The following TNFSF4 variants were observed in gnomAD, a reference collection of about 807,000 sequenced individuals.
TNFSF4 encodes the protein tumor necrosis factor ligand superfamily member 4.
TNFSF4 carries 4 observed loss-of-function variants against 7.3 expected under a neutral mutation model. The ratio of observed to expected loss-of-function variants is 0.55; its 90% confidence interval spans 0.27 to 1.25. TNFSF4 has a LOEUF of 1.25. Ranked by LOEUF, TNFSF4 falls within the 50% of genes most tolerant of loss-of-function variation. TNFSF4 has a pLI of 0.12. For missense variants in TNFSF4, 181 were observed against 208.8 expected (o/e 0.87, Z 0.82); for synonymous variants, 76 against 83.7 (o/e 0.91, Z 0.50).
the TNFSF4 span, among the ~76,000 whole-genome samples, chr1:173,437,203 G>A: frequency 6.6e-6 from 1 of 152,274 alleles, no homozygotes; most frequent in Middle Eastern, 3.4e-3. Flanking sequence ...GCTTCCCTCT[G>A]CTGATTTTAT....
At chr1:173,196,853 C>T (rs989872629) in intron 1 of TNFSF4, among the ~76,000 whole-genome samples, 2 of 152,144 alleles carry the variant, frequency 1.3e-5, no homozygotes, top group African/African-American at 4.8e-5. Context: ...TTTCTGAGAA[C>T]TCCTGTCCCC....
the TNFSF4 span, among the ~76,000 whole-genome samples, chr1:173,354,158 A>T: frequency 6.6e-6 from 1 of 152,144 alleles, no homozygotes; most frequent in Admixed American, 6.5e-5. Context: ...AATAAGGGGA[A>T]TATTACCACT....
the TNFSF4 span, among the ~76,000 whole-genome samples, chr1:173,294,964 C>T: frequency 6.6e-6 from 1 of 151,936 alleles, no homozygotes; most frequent in East Asian, 1.9e-4. Context: ...AGTCACATCA[C>T]AAAAATTATA....
intron 2 of TNFSF4, among the ~76,000 whole-genome samples, chr1:173,187,645 C>T (rs1054595107): frequency 2.0e-5 from 3 of 152,104 alleles, no homozygotes; most frequent in Non-Finnish European, 2.9e-5. Flanking sequence ...TAGTTTTTCC[C>T]GGAAGGTACT....
At chr1:173,346,717 A>G in the TNFSF4 span, among the ~76,000 whole-genome samples, 1 of 152,218 alleles carries the variant, frequency 6.6e-6, no homozygotes, top group Non-Finnish European at 1.5e-5. Flanking sequence ...CTGGTATGGC[A>G]ATAACTACTC....
the TNFSF4 span, among the ~76,000 whole-genome samples, chr1:173,284,880 A>G: frequency 6.6e-6 from 1 of 152,176 alleles, no homozygotes; most frequent in Non-Finnish European, 1.5e-5. Flanking sequence ...GAGATAAACA[A>G]GAAGACAAAT....
At chr1:173,376,295 T>C in the TNFSF4 span, among the ~76,000 whole-genome samples, 3 of 152,098 alleles carry the variant, frequency 2.0e-5, no homozygotes, top group East Asian at 1.9e-4. Flanking sequence ...TGCAGGGACA[T>C]GGATGAAGCT....
the TNFSF4 span, among the ~76,000 whole-genome samples, chr1:173,415,508 C>G: frequency 6.6e-6 from 1 of 152,240 alleles, no homozygotes; most frequent in Non-Finnish European, 1.5e-5. Flanking sequence ...CTTACACTAT[C>G]AATTTGGGAC....
the TNFSF4 span, among the ~76,000 whole-genome samples, chr1:173,172,960 C>A: frequency 6.6e-6 from 1 of 152,060 alleles, no homozygotes; most frequent in East Asian, 1.9e-4. Context: ...GCAGGGGAAG[C>A]AAACATGTCC....
the TNFSF4 span, among the ~76,000 whole-genome samples, chr1:173,308,311 GTC>G: frequency 0.086 from 12,394 of 144,506 alleles, 1,667 homozygotes; most frequent in African/African-American, 0.27. Flanking sequence ...GTGTGTGTGT[GTC>G]TGTGTGTGTG....
intron 1 of TNFSF4, among the ~76,000 whole-genome samples, chr1:173,206,703 C>G (rs1650208019): frequency 6.6e-6 from 1 of 152,012 alleles, no homozygotes; most frequent in Admixed American, 6.6e-5. Flanking sequence ...ATGGGTAGAC[C>G]AGGTATATCA....
rs554293219 is a variant in TNFSF4, at chr1:173,188,708, G to T, written c.154-139C>A. 3.2e-4 allele frequency: 182 copies of T among 565,222 alleles called. No individual in the cohort carries two copies. In the East Asian group the frequency reaches 4.0e-3, roughly 12 times the overall value. 35.0% of individuals were successfully genotyped at this position (565,222 alleles called of 1,614,324 possible). On this transcript the variant is annotated intron_variant, in intron 1 of 2. Transcript: ENST00000281834. ...AAACAACAGAAGACTTGACTTTTTT[G>T]TTGTTGTTGTTGTTGTTGTTTTGAG... is the stretch of plus-strand genomic sequence containing the variant.
the TNFSF4 span, among the ~76,000 whole-genome samples, chr1:173,235,456 G>C: frequency 1.3e-5 from 2 of 152,172 alleles, no homozygotes; most frequent in Non-Finnish European, 2.9e-5. Context: ...TGCACAGGTG[G>C]GCCCTTAGTC....
Position 173,186,521 on chromosome 1 carries a change from G to A in TNFSF4, c.547C>T (p.Leu183Phe), listed in dbSNP as rs1039713359. Residue 183 changes from leucine (L) to phenylalanine (F), a missense_variant, in exon 3 of 3, where the codon CTT becomes TTT. Transcript: ENST00000281834. Reference sequence around the variant, plus strand: ...TAGATATTGCCATCAGCCCCTCAAAGGACACAGAATTCACCAGGATTTTGA... The same window carrying A: ...TAGATATTGCCATCAGCCCCTCAAAAGACACAGAATTCACCAGGATTTTGA... Reference protein sequence around the residue: ...IHQNPGEFCVL With the variant: ...IHQNPGEFCVF The A allele has an allele frequency of 3.1e-6, 5 of 1,609,890 alleles. No individual in the cohort carries two copies. Among genetic ancestry groups the A allele is most frequent in the Non-Finnish European group, 4.2e-6 (5 of 1,177,390 alleles).
chr1:173,317,342 G>C, the TNFSF4 span, among the ~76,000 whole-genome samples: 2 of 152,216 alleles, frequency 1.3e-5, no homozygotes, highest in Non-Finnish European at 2.9e-5. Context: ...ATGGTAATCT[G>C]TATGGTCATT....
the TNFSF4 span, among the ~76,000 whole-genome samples, chr1:173,419,714 T>A: frequency 6.6e-6 from 1 of 151,952 alleles, no homozygotes; most frequent in African/African-American, 2.4e-5. Context: ...CAAGGGAGAA[T>A]AAAAGGAAGC....
chr1:173,256,432 T>C, the TNFSF4 span, among the ~76,000 whole-genome samples: 1 of 152,046 alleles, frequency 6.6e-6, no homozygotes, highest in Non-Finnish European at 1.5e-5. Flanking sequence ...AGCACTGATT[T>C]CTCATGAAGG....
At chr1:173,384,855 T>G in the TNFSF4 span, among the ~76,000 whole-genome samples, 2 of 152,340 alleles carry the variant, frequency 1.3e-5, no homozygotes. Context: ...GTGCTACTAC[T>G]TACCTATGTT....
At chr1:173,437,711 A>G in the TNFSF4 span, among the ~76,000 whole-genome samples, 3 of 152,166 alleles carry the variant, frequency 2.0e-5, no homozygotes, top group Non-Finnish European at 2.9e-5. Flanking sequence ...CACATACACT[A>G]GGGTTCATAT....
Sources: allele counts gnomAD v4.1 joint callset (sites outside exome capture counted in the v4.1 genomes callset), GRCh38; gene constraint gnomAD v4.1.1; transcripts MANE v1.5; gene names NCBI Gene and HGNC (gene_info 2026-07-23, HGNC 2026-07-21).